The following TYMS variants were observed in gnomAD, a reference collection of about 807,000 sequenced individuals.
TYMS encodes thymidylate synthetase, also known as thymidylate synthase.
Under a neutral mutation model 39.3 loss-of-function variants are expected in TYMS, and 21 were observed. The observed-to-expected ratio is 0.54, with a 90% confidence interval of 0.38 to 0.77. The LOEUF is 0.77. TYMS is among the 30% of genes least tolerant of loss of function. TYMS has a pLI of 0.00. For synonymous variants in TYMS, 171 were observed against 162.2 expected (o/e 1.05, Z -0.41); for missense variants, 273 against 406.7 (o/e 0.67, Z 2.83).
At chr18:671,224 A>C in intron 5 of TYMS, 156 bp from the exon 6 acceptor site, 1 of 650,704 alleles carries the variant, frequency 1.5e-6, no homozygotes, top group South Asian at 1.9e-5. Flanking sequence ...CCTGGGCAAC[A>C]TAACAAGATG....
At chr18:665,137 C>A (rs199887005) in intron 3 of TYMS, among the ~76,000 whole-genome samples, 1 of 146,654 alleles carries the variant, frequency 6.8e-6, no homozygotes, top group Non-Finnish European at 1.5e-5. Context: ...GGCTGTGAAT[C>A]CATCTGGTCC....
At position 660,205 on chromosome 18, in the gene TYMS, C is replaced by G. The variant is rs1226878400; in HGVS notation, c.279+491C>G. Among the ~76,000 whole-genome samples the G allele has an allele frequency of 2.0e-5, 3 of 152,226 alleles. No homozygotes were observed. Among genetic ancestry groups the G allele is most frequent in the African/African-American group, 7.2e-5 (3 of 41,458 alleles). ...CAGCTCTGACCTTAGCTGCTGCTCT[C>G]TGCACCAGCCCTGCTGTTCTTGTGA... On this transcript the variant is annotated intron_variant, in intron 2 of 6. Coordinates refer to ENST00000323274, the MANE Select transcript of TYMS (RefSeq NM_001071.4). The surrounding 1 kb of genome is among the most constrained non-coding windows in gnomAD (Gnocchi z 4.6).
chr18:667,053 A>C lies in TYMS; in HGVS notation c.455-2019A>C, dbSNP rs287600. 5.1e-4 allele frequency among the ~76,000 whole-genome samples: 13 copies of C among 25,460 alleles called. 4 individuals are homozygous for C. In the East Asian group the frequency reaches 0.013, roughly 26 times the overall value. 16.7% of individuals were successfully genotyped at this position (25,460 alleles called of 152,430 possible). A position where few individuals can be genotyped will look rare whatever the true frequency, so the allele number is the denominator to read the frequency against. ...GTGATGGAGATGGTGATGGTGATGG[A>C]GATGGAGATGGTGATGGTGATGGAG... On this transcript the variant is annotated intron_variant, in intron 3 of 6. Transcript: ENST00000323274.
In TYMS at chr18:670,762, C is replaced by A. The variant is rs752443452; in HGVS notation, c.627C>A (p.Ser209=). ...TCTATGTGGTGAACAGTGAGCTGTC[C>A]TGCCAGCTGTACCAGAGATCGGGAG... is the stretch of plus-strand genomic sequence containing the variant. ...CQFYVVNSEL[S]CQLYQRSGDM... is the part of the protein sequence containing the mutation. The change falls in exon 5 of 7, where the codon TCC becomes TCA. Residue 209 remains serine (S), a synonymous_variant. Transcript: ENST00000323274. The A allele has an allele frequency of 6.2e-7, 1 of 1,614,200 alleles. No homozygotes were observed. The highest frequency in any genetic ancestry group is 8.5e-7 in the Non-Finnish European group (1 of 1,180,044).
At chr18:657,995 G>C in intron 1 of TYMS, 48 bp downstream of exon 1, 1 of 1,510,612 alleles carries the variant, frequency 6.6e-7, no homozygotes, top group Non-Finnish European at 8.8e-7. Flanking sequence ...GGAGGGAGGC[G>C]CGGCTGGGGA....
At chr18:671,088 A>T in intron 5 of TYMS, 1 of 630,788 alleles carries the variant, frequency 1.6e-6, no homozygotes, top group Admixed American at 3.0e-5. Context: ...GTTGTTTGTG[A>T]TACAGCTTCT....
In TYMS at chr18:658,126, A is replaced by C. The variant is rs775154346; in HGVS notation, c.205+179A>C. ...GCCGAAACGGAGGGTCCCATTAGGG[A>C]CGTGACTGGCGCGGGCAACACACAC... On this transcript the variant is annotated intron_variant, in intron 1 of 6. Transcript: ENST00000323274. The surrounding 1 kb of genome is among the most constrained non-coding windows in gnomAD (Gnocchi z 4.5). The C allele has an allele frequency of 6.9e-6, 11 of 1,587,774 alleles. No individual in the cohort carries two copies. The highest frequency in any genetic ancestry group is 5.4e-5 in the African/African-American group (4 of 74,360).
Position 658,307 on chromosome 18 carries a change from C to T in TYMS, c.205+360C>T. The T allele has an allele frequency of 7.2e-7, 1 of 1,386,682 alleles. No individual in the cohort carries two copies. The highest frequency in any genetic ancestry group is 1.2e-5 in the South Asian group (1 of 81,732). The allele number at this position is 1,386,682 out of a possible 1,614,324, so 85.9% of individuals were successfully genotyped here. A position where few individuals can be genotyped will look rare whatever the true frequency, so the allele number is the denominator to read the frequency against. ...AGAGCTGCCTGGGCTTGACCGCGCGCCGGTCTCAAAGTCCTGGCTTTGGCC... is the reference window on the plus strand; with the variant it reads ...AGAGCTGCCTGGGCTTGACCGCGCGTCGGTCTCAAAGTCCTGGCTTTGGCC... On this transcript the variant is annotated intron_variant, in intron 1 of 6. Coordinates refer to ENST00000323274, the MANE Select transcript of TYMS (RefSeq NM_001071.4). The surrounding 1 kb of genome is among the most constrained non-coding windows in gnomAD (Gnocchi z 4.5).
In TYMS at chr18:657,934, C is replaced by G. The variant is rs201007284; in HGVS notation, c.192C>G (p.Arg64=). ...TGTCGGTATTCGGCATGCAGGCGCG[C>G]TACAGCCTGAGAGGTGACGCCGCGG... ...GTLSVFGMQA[R]YSLRDEFPLL... Residue 64 remains arginine (R), a synonymous_variant, in exon 1 of 7, where the codon CGC becomes CGG. Transcript: ENST00000323274. 3 of 1,507,204 alleles carry G rather than the reference C, an allele frequency of 2.0e-6. No homozygotes were observed. In the East Asian group the frequency reaches 7.1e-5, roughly 36 times the overall value. The allele number at this position is 1,507,204 out of a possible 1,614,324, so 93.4% of individuals were successfully genotyped here. A position where few individuals can be genotyped will look rare whatever the true frequency, so the allele number is the denominator to read the frequency against.
Position 669,121 on chromosome 18 carries a change from C to CA in TYMS, c.508dup (p.Thr170AsnfsTer4). 1.2e-6 allele frequency: 2 copies of CA among 1,614,196 alleles called. No homozygotes were observed. The highest frequency in any genetic ancestry group is 1.7e-6 in the Non-Finnish European group (2 of 1,180,026). Reference sequence around the variant, plus strand: ...AACTGCAAAGAGTGATTGACACCATCAAAACCAACCCTGACGACAGAAGAA... The same window carrying CA: ...AACTGCAAAGAGTGATTGACACCATCAAAAACCAACCCTGACGACAGAAGAA... On this transcript the variant is annotated frameshift_variant, in exon 4 of 7. Coordinates refer to ENST00000323274, the MANE Select transcript of TYMS (RefSeq NM_001071.4). LOFTEE classifies it high-confidence loss of function.
At chr18:664,436 C>G (rs2144277774) in intron 3 of TYMS, among the ~76,000 whole-genome samples, 1 of 145,300 alleles carries the variant, frequency 6.9e-6, no homozygotes, top group South Asian at 2.3e-4. Flanking sequence ...ATGGGGTTTT[C>G]TAGATATACA....
Position 666,966 on chromosome 18 carries a change from TGGTGATGGA to T in TYMS, c.455-2104_455-2096del, listed in dbSNP as rs1567989654. ...ATGGTGATGGTGATGGAGATGGAGATGGTGATGGAGATGGAGATGGTGATGGTGATGGAG... is the reference window on the plus strand; with the variant it reads ...ATGGTGATGGTGATGGAGATGGAGATGATGGAGATGGTGATGGTGATGGAG... On this transcript the variant is annotated intron_variant, in intron 3 of 6. Transcript: ENST00000323274. 2.5e-4 allele frequency among the ~76,000 whole-genome samples: 3 copies of T among 11,780 alleles called. 1 individual carries two copies. The highest frequency in any genetic ancestry group is 7.7e-3 in the South Asian group (2 of 260). 7.7% of individuals were successfully genotyped at this position (11,780 alleles called of 152,430 possible).
intron 4 of TYMS, chr18:670,479 G>A: frequency 1.8e-6 from 1 of 556,306 alleles, no homozygotes; most frequent in Non-Finnish European, 3.2e-6. Flanking sequence ...AGCCGTAAAT[G>A]GACACCTGCA....
At chr18:662,078 C>G (rs113333865) in intron 2 of TYMS, 68 bp from the exon 3 acceptor site, 20 of 1,508,934 alleles carry the variant, frequency 1.3e-5, no homozygotes, top group South Asian at 1.1e-4. Flanking sequence ...AGTGGTGTCT[C>G]GGGGGGATCA....
chr18:670,665 C>G, intron 4 of TYMS, 27 bp from the exon 5 acceptor site: 1 of 1,611,706 alleles, frequency 6.2e-7, no homozygotes. Context: ...CACCATCCCT[C>G]CTTATCTTCC....
At chr18:663,891 C>T (rs2074781433) in intron 3 of TYMS, among the ~76,000 whole-genome samples, 1 of 110,780 alleles carries the variant, frequency 9.0e-6, no homozygotes, top group Non-Finnish European at 1.8e-5. Flanking sequence ...TGTTTTGGTA[C>T]CAGTACCATA....
intron 4 of TYMS, 162 bp downstream of exon 4, chr18:669,335 C>T (rs1361925295): frequency 1.5e-5 from 8 of 537,934 alleles, no homozygotes; most frequent in African/African-American, 5.9e-5. Context: ...GCTGCACTTT[C>T]ACCTTCAGAT....
chr18:671,516 C>A, intron 6 of TYMS, 65 bp downstream of exon 6: 1 of 1,031,798 alleles, frequency 9.7e-7, no homozygotes, highest in Non-Finnish European at 1.5e-6. Flanking sequence ...GACTGTGGAA[C>A]AGGCATCTGC....
At chr18:663,727 T>C (rs200841953) in intron 3 of TYMS, among the ~76,000 whole-genome samples, 11 of 105,636 alleles carry the variant, frequency 1.0e-4, no homozygotes, top group East Asian at 3.1e-4. Flanking sequence ...TTTCAGCTTT[T>C]TACATATGGC....
Sources: allele counts gnomAD v4.1 joint callset (sites outside exome capture counted in the v4.1 genomes callset), GRCh38; gene constraint gnomAD v4.1.1; non-coding constraint Gnocchi (gnomAD v3.1); transcripts MANE v1.5; gene names NCBI Gene and HGNC (gene_info 2026-07-23, HGNC 2026-07-21).